The following CSMD1 variants were observed in gnomAD, a reference collection of about 807,000 sequenced individuals.
The protein encoded by CSMD1 is CUB and sushi domain-containing protein 1.
CSMD1 carries 213 observed loss-of-function variants against 417.5 expected under a neutral mutation model. The observed-to-expected ratio is 0.51, with a 90% CI of 0.46 to 0.57. The LOEUF (loss-of-function observed/expected upper bound fraction) is 0.57. CSMD1 is among the 20% of genes least tolerant of loss of function. CSMD1 has a pLI of 0.00. For synonymous variants in CSMD1, 2,862 were observed against 1,736.8 expected (o/e 1.65, Z -16.11); for missense variants, 6,923 against 4,529.7 (o/e 1.53, Z -15.17).
chr8:4,375,208 A>T (rs1802654544), intron 3 of CSMD1, among the ~76,000 whole-genome samples: 1 of 152,140 alleles, frequency 6.6e-6, no homozygotes, highest in South Asian at 2.1e-4. Flanking sequence ...GTCTTTGCCC[A>T]CGGGGATAGA....
At chr8:3,636,455 G>A (rs1304464914) in intron 7 of CSMD1, among the ~76,000 whole-genome samples, 1 of 152,180 alleles carries the variant, frequency 6.6e-6, no homozygotes, top group Non-Finnish European at 1.5e-5. Flanking sequence ...TAGGATTACA[G>A]GTGTGAGCCA....
At chr8:3,902,982 T>C (rs977967341) in intron 5 of CSMD1, among the ~76,000 whole-genome samples, 1 of 152,150 alleles carries the variant, frequency 6.6e-6, no homozygotes, top group African/African-American at 2.4e-5. Flanking sequence ...TGAACATGCA[T>C]TGTTTTATTC....
intron 32 of CSMD1, among the ~76,000 whole-genome samples, chr8:3,200,063 G>A (rs979270451): frequency 2.6e-5 from 4 of 152,188 alleles, no homozygotes; most frequent in South Asian, 4.2e-4. Context: ...TTTGAAGAAA[G>A]CACCAATGGT....
chr8:4,640,202 T>C (rs1028221642), intron 1 of CSMD1, among the ~76,000 whole-genome samples: 4 of 152,214 alleles, frequency 2.6e-5, no homozygotes, highest in African/African-American at 9.6e-5. Context: ...TGAGTCACAT[T>C]TGATCCATTC....
At chr8:4,980,055 T>C (rs1366999987) in intron 1 of CSMD1, among the ~76,000 whole-genome samples, 4 of 152,012 alleles carry the variant, frequency 2.6e-5, no homozygotes, top group African/African-American at 7.2e-5. Flanking sequence ...AATAAATAAA[T>C]AAATTAAATA....
rs545455054 is a variant in CSMD1 at position 4,343,686 on chromosome 8, T to C, written c.415+76267A>G. Reference sequence around the variant, plus strand: ...AGTCTGTGTCTGGTGATCTGACCTTTGCAGCTTTTTCTTTTCACCAGGGGA... The same window carrying C: ...AGTCTGTGTCTGGTGATCTGACCTTCGCAGCTTTTTCTTTTCACCAGGGGA... On this transcript the variant is annotated intron_variant, in intron 3 of 69. Transcript: ENST00000635120. Among the ~76,000 whole-genome samples, 24 of 152,236 alleles carry C rather than the reference T, an allele frequency of 1.6e-4. No homozygotes were observed. In the South Asian group the frequency reaches 4.8e-3, roughly 30 times the overall value.
intron 12 of CSMD1, among the ~76,000 whole-genome samples, chr8:3,433,818 C>T (rs192998016): frequency 1.2e-4 from 18 of 152,262 alleles, no homozygotes; most frequent in East Asian, 3.9e-4. Context: ...GACTGAAAAA[C>T]GGGCTCCCGT....
intron 2 of CSMD1, among the ~76,000 whole-genome samples, chr8:4,425,867 T>A (rs1179482584): frequency 2.0e-5 from 3 of 152,116 alleles, no homozygotes; most frequent in Non-Finnish European, 4.4e-5. Flanking sequence ...TGATAAACTT[T>A]GAATATTTCA....
At chr8:3,306,962 T>C (rs1027973393) in intron 25 of CSMD1, among the ~76,000 whole-genome samples, 2 of 152,170 alleles carry the variant, frequency 1.3e-5, no homozygotes, top group African/African-American at 4.8e-5. Flanking sequence ...TTTCTGAAAT[T>C]TGCAATGATT....
At chr8:3,763,680 T>G (rs1454313221) in intron 5 of CSMD1, among the ~76,000 whole-genome samples, 1 of 152,196 alleles carries the variant, frequency 6.6e-6, no homozygotes, top group South Asian at 2.1e-4. Flanking sequence ...CTGACACAAG[T>G]GCCTTTGTGG....
chr8:4,075,271 T>G (rs1184657312), intron 3 of CSMD1, among the ~76,000 whole-genome samples: 1 of 152,072 alleles, frequency 6.6e-6, no homozygotes, highest in Non-Finnish European at 1.5e-5. Context: ...TATTATAAAA[T>G]AAAGATGAAT....
intron 3 of CSMD1, among the ~76,000 whole-genome samples, chr8:4,109,882 C>G (rs2130906900): frequency 6.6e-6 from 1 of 152,166 alleles, no homozygotes; most frequent in South Asian, 2.1e-4. Flanking sequence ...TGTGCTTTTT[C>G]TCATAATAAA....
At position 4,789,628 on chromosome 8, in the gene CSMD1, G is replaced by A. The variant is rs564375204; in HGVS notation, c.86-152070C>T. Among the ~76,000 whole-genome samples the A allele has an allele frequency of 3.4e-3, 520 of 152,198 alleles. 1 individual carries two copies. Among genetic ancestry groups the A allele is most frequent in the Non-Finnish European group, 5.9e-3 (402 of 68,008 alleles). On this transcript the variant is annotated intron_variant, in intron 1 of 69. Transcript: ENST00000635120. ...CTCACTCCAGTGTGGGGAAGTTTGT[G>A]TTGCATTTTTGAATGCTGGCATACT...
intron 1 of CSMD1, among the ~76,000 whole-genome samples, chr8:4,880,715 A>G (rs183431324): frequency 6.6e-6 from 1 of 152,176 alleles, no homozygotes; most frequent in African/African-American, 2.4e-5. Context: ...ATAATCATAA[A>G]TATCCCACGT....
chr8:3,648,392 G>C (rs958261377), intron 7 of CSMD1, among the ~76,000 whole-genome samples: 1 of 152,162 alleles, frequency 6.6e-6, no homozygotes, highest in African/African-American at 2.4e-5. Flanking sequence ...TTGTGAGACT[G>C]ACATGCTGCC....
intron 20 of CSMD1, among the ~76,000 whole-genome samples, chr8:3,363,091 C>A (rs1471605905): frequency 6.6e-6 from 1 of 152,210 alleles, no homozygotes; most frequent in Non-Finnish European, 1.5e-5. Context: ...CAGTGCCCCT[C>A]TGCTTTATCC....
chr8:3,568,769 C>T (rs554626239), intron 10 of CSMD1, among the ~76,000 whole-genome samples: 1 of 151,522 alleles, frequency 6.6e-6, no homozygotes, highest in East Asian at 2.0e-4. Flanking sequence ...ACATTTATAC[C>T]TAAAAGATGT....
At chr8:3,204,585 G>C (rs375127150) in intron 31 of CSMD1, among the ~76,000 whole-genome samples, 4 of 152,172 alleles carry the variant, frequency 2.6e-5, no homozygotes, top group South Asian at 2.1e-4. Context: ...TAAGAGGCCC[G>C]GGAATCATGA....
chr8:4,949,396 C>A (rs1228164376), intron 1 of CSMD1, among the ~76,000 whole-genome samples: 10 of 152,162 alleles, frequency 6.6e-5, no homozygotes, highest in African/African-American at 2.4e-4. Flanking sequence ...ATACCTTCAA[C>A]ATGTGGTGAA....
Sources: allele counts gnomAD v4.1 joint callset (sites outside exome capture counted in the v4.1 genomes callset), GRCh38; gene constraint gnomAD v4.1.1; transcripts MANE v1.5; gene names NCBI Gene and HGNC (gene_info 2026-07-23, HGNC 2026-07-21).